ERCC3: variants seen among roughly 807,000 people sequenced by gnomAD.
The protein encoded by ERCC3 is general transcription and DNA repair factor IIH helicase/translocase subunit XPB.
In ERCC3, 66 loss-of-function variants were observed where a neutral mutation model predicts 94.2. The ratio of observed to expected loss-of-function variants is 0.70; its 90% CI spans 0.57 to 0.86. ERCC3 has a LOEUF of 0.86. Among genes scored for constraint, ERCC3 ranks in the 40% least tolerant of loss-of-function variants. The pLI is 0.00. For synonymous variants in ERCC3, 349 were observed against 369.1 expected, an observed-to-expected ratio of 0.95 and a Z score of 0.63; for missense variants, 829 against 987.1, an observed-to-expected ratio of 0.84 and a Z score of 2.15.
intron 12 of ERCC3, among the ~76,000 whole-genome samples, chr2:127,263,992 G>A (rs971255705): frequency 2.0e-5 from 3 of 152,136 alleles, no homozygotes; most frequent in African/African-American, 4.8e-5. Context: ...TTACAGGCAA[G>A]AGCCACCGTG....
chr2:127,260,185 G>A (rs575842381), intron 13 of ERCC3: 1 of 154,532 alleles, frequency 6.5e-6, no homozygotes, highest in South Asian at 2.0e-4. Flanking sequence ...GCCACTCCAC[G>A]TCATGACTCT....
rs530884241 is a variant in ERCC3, at chr2:127,259,166, C to A, written c.2217+130G>T. The stretch of plus-strand genomic sequence containing the variant: ...CAAGGATTGTTTCTGTTCATCTCTT[C>A]CGTGTTTTCCAACATTTCCAAAAAA... On this transcript the variant is annotated intron_variant, in intron 14 of 14. Transcript: ENST00000285398. This position sits in a 1 kb window ranked among gnomAD's most constrained non-coding sequence, Gnocchi z 4.9. 2.8e-5 allele frequency: 29 copies of A among 1,023,802 alleles called. No individual in the cohort carries two copies. The South Asian group carries it at 3.8e-4, about 13-fold the overall frequency. The allele number at this position is 1,023,802 out of a possible 1,614,324, so 63.4% of individuals were successfully genotyped here.
rs773393311 is a variant in ERCC3, at chr2:127,294,109, A to C, written c.-28T>G. 3 of 1,602,412 alleles carry C rather than the reference A, an allele frequency of 1.9e-6. No individual in the cohort carries two copies. The highest frequency in any genetic ancestry group is 2.7e-5 in the African/African-American group (2 of 74,728). ...CAGCTACAGCAGCAGAGAGAAGATG[A>C]CCCCGCTCCCACAGGCCCGCCGCGG... On this transcript the variant is annotated 5_prime_UTR_variant, in exon 1 of 15. Coordinates refer to ENST00000285398, the MANE Select transcript of ERCC3 (RefSeq NM_000122.2).
Position 127,279,402 on chromosome 2 carries a change from A to T in ERCC3, c.1528-27T>A, listed in dbSNP as rs373718525. On this transcript the variant is annotated intron_variant, in intron 9 of 14. Coordinates refer to ENST00000285398, the MANE Select transcript of ERCC3 (RefSeq NM_000122.2). This position sits in a 1 kb window ranked among gnomAD's most constrained non-coding sequence, Gnocchi z 4.7. ...TGTAATACAGTAAGAACCAGGGGTC[A>T]TTTTACAAGTTTAAACACCACACAA... 1 of 1,542,768 alleles carries T rather than the reference A, an allele frequency of 6.5e-7. No homozygotes were observed. Among genetic ancestry groups the T allele is most frequent in the African/African-American group, 1.4e-5 (1 of 73,450 alleles).
intron 12 of ERCC3, among the ~76,000 whole-genome samples, chr2:127,270,289 T>TGC (rs1684508018): frequency 6.6e-6 from 1 of 152,164 alleles, no homozygotes; most frequent in Admixed American, 6.5e-5. Context: ...CCTCCCAAAG[T>TGC]GCTGGGATTA....
rs1172169844 is a variant in ERCC3 at position 127,272,948 on chromosome 2, C to T, written c.1744G>A (p.Gly582Arg). 21 of 1,608,468 alleles carry T rather than the reference C, an allele frequency of 1.3e-5. No homozygotes were observed. The highest frequency in any genetic ancestry group is 1.7e-5 in the Non-Finnish European group (20 of 1,175,070). ...ATCCTTTCCCCCTGAGACGTAGGTCCGTAGATATAGGGTCTAGAGAAGAAT... is the reference window on the plus strand; with the variant it reads ...ATCCTTTCCCCCTGAGACGTAGGTCTGTAGATATAGGGTCTAGAGAAGAAT... The part of the protein sequence containing the change: ...AIRLNKPYIY[G>R]PTSQGERMQI... Residue 582 changes from glycine to arginine, a missense_variant, in exon 11 of 15, where the codon GGA (glycine) becomes AGA (arginine). Coordinates refer to ENST00000285398, the MANE Select transcript of ERCC3 (RefSeq NM_000122.2).
At position 127,257,564 on chromosome 2, in the gene ERCC3, G is replaced by T; in HGVS notation, c.*32C>A. On this transcript the variant is annotated 3_prime_UTR_variant, in exon 15 of 15. Coordinates refer to ENST00000285398, the MANE Select transcript of ERCC3 (RefSeq NM_000122.2). This position sits in a 1 kb window ranked among gnomAD's most constrained non-coding sequence, Gnocchi z 5.4. ...TCCCTTTCCAACAAGGGTGCCAAGCGCCGGTCTTGAACGAAGTACCCTGCC... is the reference window on the plus strand; with the variant it reads ...TCCCTTTCCAACAAGGGTGCCAAGCTCCGGTCTTGAACGAAGTACCCTGCC... 1 of 1,612,512 alleles carries T rather than the reference G, an allele frequency of 6.2e-7. No homozygotes were observed. Among genetic ancestry groups the T allele is most frequent in the Non-Finnish European group, 8.5e-7 (1 of 1,179,702 alleles).
rs1803541 is a variant in ERCC3, at chr2:127,257,337, C to T, written c.*259G>A. On this transcript the variant is annotated 3_prime_UTR_variant, in exon 15 of 15. Transcript: ENST00000285398. The surrounding 1 kb of genome is among the most constrained non-coding windows in gnomAD (Gnocchi z 5.4). ...TTTATTCAGAACGGTAACATAAATA[C>T]ACCTTAAATATTAACATTTTTTATA... The T allele has an allele frequency of 0.038, 19,636 of 522,666 alleles. 516 individuals carry two copies. Among genetic ancestry groups the T allele is most frequent in the Middle Eastern group, 0.058 (107 of 1,830 alleles). 32.4% of individuals were successfully genotyped at this position (522,666 alleles called of 1,614,324 possible). A position where few individuals can be genotyped will look rare whatever the true frequency, so the allele number is the denominator to read the frequency against.
Position 127,257,823 on chromosome 2 carries a change from A to T in ERCC3, c.2218-96T>A. The T allele has an allele frequency of 1.5e-6, 2 of 1,317,146 alleles. No individual in the cohort carries two copies. Among genetic ancestry groups the T allele is most frequent in the Non-Finnish European group, 2.2e-6 (2 of 924,264 alleles). The allele number at this position is 1,317,146 out of a possible 1,614,324, so 81.6% of individuals were successfully genotyped here. The stretch of plus-strand genomic sequence containing the variant: ...TCACAGCAAATTTTATAAGACTTAC[A>T]TAAATTTAATACATCATTTTTAATA... On this transcript the variant is annotated intron_variant, in intron 14 of 14. Transcript: ENST00000285398. This position sits in a 1 kb window ranked among gnomAD's most constrained non-coding sequence, Gnocchi z 5.4.
chr2:127,279,452 C>T lies in ERCC3; in HGVS notation c.1528-77G>A, dbSNP rs778442749. 1.4e-5 allele frequency: 16 copies of T among 1,151,106 alleles called. No homozygotes were observed. The highest frequency in any genetic ancestry group is 2.1e-5 in the Non-Finnish European group (16 of 761,162). 71.3% of individuals were successfully genotyped at this position (1,151,106 alleles called of 1,614,324 possible). On this transcript the variant is annotated intron_variant, in intron 9 of 14. Transcript: ENST00000285398. The surrounding 1 kb of genome is among the most constrained non-coding windows in gnomAD (Gnocchi z 4.7). ...ATTTAAAACTTTTGAAGACCTTTCT[C>T]TAGCAGAATTAGCTTTAAAACAAAA...
At chr2:127,283,722 C>T (rs1406753931) in intron 8 of ERCC3, among the ~76,000 whole-genome samples, 3 of 152,166 alleles carry the variant, frequency 2.0e-5, no homozygotes, top group African/African-American at 7.2e-5. Context: ...TCATCAGCAC[C>T]CGCACATCAG....
intron 2 of ERCC3, among the ~76,000 whole-genome samples, chr2:127,293,294 C>A (rs1685341294): frequency 1.3e-5 from 2 of 152,116 alleles, no homozygotes; most frequent in Non-Finnish European, 1.5e-5. Context: ...GAGAGTAAAC[C>A]GAGGGGTTAG....
At chr2:127,276,006 T>A (rs1045952532) in intron 10 of ERCC3, among the ~76,000 whole-genome samples, 1 of 152,000 alleles carries the variant, frequency 6.6e-6, no homozygotes, top group Non-Finnish European at 1.5e-5. Flanking sequence ...TGTGTGAGTG[T>A]GAGGAGCAGT....
Position 127,259,556 on chromosome 2 carries a change from G to T in ERCC3, c.2065-108C>A. 26 of 1,471,204 alleles carry T rather than the reference G, an allele frequency of 1.8e-5. 1 individual carries two copies. The South Asian group carries it at 2.8e-4, about 16-fold the overall frequency. The allele number at this position is 1,471,204 out of a possible 1,614,324, so 91.1% of individuals were successfully genotyped here. On this transcript the variant is annotated intron_variant, in intron 13 of 14. Transcript: ENST00000285398. This position sits in a 1 kb window ranked among gnomAD's most constrained non-coding sequence, Gnocchi z 4.9. The stretch of plus-strand genomic sequence containing the variant: ...TTGGTCACTTCCCTCCCCAGGCCCA[G>T]CCACCCTGGTGGCCAACAATGGAGA...
At chr2:127,278,970 C>T (rs1263791055) in intron 10 of ERCC3, among the ~76,000 whole-genome samples, 1 of 152,228 alleles carries the variant, frequency 6.6e-6, no homozygotes, top group Non-Finnish European at 1.5e-5. Context: ...ACTAGCCCCC[C>T]TTTTCTCTAT....
In ERCC3 at chr2:127,264,185, TG is replaced by T. The variant is rs1373195917; in HGVS notation, c.1946-2840del. Among the ~76,000 whole-genome samples the T allele has an allele frequency of 1.3e-5, 2 of 152,110 alleles. No homozygotes were observed. The highest frequency in any genetic ancestry group is 2.9e-5 in the Non-Finnish European group (2 of 68,020). On this transcript the variant is annotated intron_variant, in intron 12 of 14. Transcript: ENST00000285398. The surrounding 1 kb of genome is among the most constrained non-coding windows in gnomAD (Gnocchi z 4.4). The stretch of plus-strand genomic sequence containing the variant: ...ATTTTATCAAAAGCTCTTTCTGGGC[TG>T]GGCGCAGTGGCTCACACCTATAATC...
At chr2:127,261,115 A>G in intron 13 of ERCC3, 113 bp downstream of exon 13, 2 of 764,678 alleles carry the variant, frequency 2.6e-6, no homozygotes, top group Non-Finnish European at 4.8e-6. Flanking sequence ...CAAGGCCTCT[A>G]ATCTCCTAAT....
intron 4 of ERCC3, 73 bp downstream of exon 4, chr2:127,290,151 C>T: frequency 8.5e-7 from 1 of 1,182,894 alleles, no homozygotes. Flanking sequence ...AGGTCCTTCC[C>T]ATATCCCTTT....
Position 127,289,211 on chromosome 2 carries a change from A to G in ERCC3, c.822+126T>C. 4.8e-6 allele frequency: 4 copies of G among 840,960 alleles called. No individual in the cohort carries two copies. The South Asian group carries it at 5.6e-5, about 12-fold the overall frequency. 52.1% of individuals were successfully genotyped at this position (840,960 alleles called of 1,614,324 possible). A position where few individuals can be genotyped will look rare whatever the true frequency, so the allele number is the denominator to read the frequency against. On this transcript the variant is annotated intron_variant, in intron 6 of 14. Coordinates refer to ENST00000285398, the MANE Select transcript of ERCC3 (RefSeq NM_000122.2). ...TGGCTCACAGATAATAAAAAGGAGAAAGCAATTCAGGGACCAACAGGGACT... is the reference window on the plus strand; with the variant it reads ...TGGCTCACAGATAATAAAAAGGAGAGAGCAATTCAGGGACCAACAGGGACT...
Sources: allele counts gnomAD v4.1 joint callset (sites outside exome capture counted in the v4.1 genomes callset), GRCh38; gene constraint gnomAD v4.1.1; non-coding constraint Gnocchi (gnomAD v3.1); transcripts MANE v1.5; gene names NCBI Gene and HGNC (gene_info 2026-07-23, HGNC 2026-07-21).